CLYBL: variants seen among roughly 807,000 people sequenced by gnomAD.
The protein encoded by CLYBL is citramalyl-CoA lyase.
Under a neutral mutation model 38.9 loss-of-function variants are expected in CLYBL, and 31 were observed. That is an observed-to-expected ratio of 0.80 (90% confidence interval 0.60 to 1.08). The LOEUF (loss-of-function observed/expected upper bound fraction) is 1.08, where lower values mean the gene tolerates loss of function less well. Among genes scored for constraint, CLYBL ranks in the 50% least tolerant of loss-of-function variants. The pLI, the probability that CLYBL is intolerant of heterozygous loss-of-function variation, is 0.00. For synonymous variants in CLYBL, 171 were observed against 158.6 expected, an observed-to-expected ratio of 1.08 and a Z score of -0.59; for missense variants, 434 against 411.6, an observed-to-expected ratio of 1.05 and a Z score of -0.47.
At chr13:99,743,903 C>G (rs1047985896) in intron 1 of CLYBL, among the ~76,000 whole-genome samples, 1 of 150,522 alleles carries the variant, frequency 6.6e-6, no homozygotes, top group Admixed American at 6.6e-5. Flanking sequence ...TGCGGGGACT[C>G]GGGATAACCT....
intron 1 of CLYBL, among the ~76,000 whole-genome samples, chr13:99,607,302 T>C (rs2046542499): frequency 8.2e-6 from 1 of 122,132 alleles, no homozygotes; most frequent in Non-Finnish European, 1.7e-5. Context: ...GCATAACTTC[T>C]CAAAAAAAAA....
At chr13:99,652,681 G>A (rs186250568) in intron 1 of CLYBL, among the ~76,000 whole-genome samples, 100 of 152,344 alleles carry the variant, frequency 6.6e-4, no homozygotes, top group Non-Finnish European at 5.6e-4. Flanking sequence ...AAAGGGTCCC[G>A]AATGTTCCAG....
chr13:99,700,760 A>G (rs2048053274), intron 1 of CLYBL, among the ~76,000 whole-genome samples: 1 of 152,230 alleles, frequency 6.6e-6, no homozygotes, highest in Non-Finnish European at 1.5e-5. Flanking sequence ...GCAGGGAGTG[A>G]TAAGTAAACA....
intron 1 of CLYBL, among the ~76,000 whole-genome samples, chr13:99,627,330 A>C (rs573454946): frequency 6.6e-6 from 1 of 152,328 alleles, no homozygotes; most frequent in African/African-American, 2.4e-5. Context: ...TAAAATCAAA[A>C]GCATGCAGAA....
At position 99,735,476 on chromosome 13, in the gene CLYBL, G is replaced by A. The variant is rs1363803536; in HGVS notation, c.63-37348G>A. Among the ~76,000 whole-genome samples, 4 of 151,950 alleles carry A rather than the reference G, an allele frequency of 2.6e-5. 1 individual carries two copies. The East Asian group carries it at 5.8e-4, about 22-fold the overall frequency. On this transcript the variant is annotated intron_variant, in intron 1 of 8. Coordinates refer to ENST00000339105, the MANE Select transcript of CLYBL (RefSeq NM_206808.5). ...CTCCCAAAGTGCTGGGATTATAGGT[G>A]TGAGCCACCACACCCAGCATTTTTT... is the stretch of plus-strand genomic sequence containing the variant.
At chr13:99,634,528 A>G (rs1349353914) in intron 1 of CLYBL, among the ~76,000 whole-genome samples, 1 of 152,240 alleles carries the variant, frequency 6.6e-6, no homozygotes, top group Non-Finnish European at 1.5e-5. Flanking sequence ...ACACGCAAGA[A>G]AACTTTAACA....
chr13:99,809,615 T>G (rs952057277), intron 2 of CLYBL, among the ~76,000 whole-genome samples: 1 of 152,276 alleles, frequency 6.6e-6, no homozygotes, highest in Non-Finnish European at 1.5e-5. Flanking sequence ...AAGAAAGGGA[T>G]GGCTGCAGGC....
chr13:99,662,748 A>G (rs2047427807), intron 1 of CLYBL, among the ~76,000 whole-genome samples: 1 of 152,204 alleles, frequency 6.6e-6, no homozygotes, highest in Admixed American at 6.5e-5. Flanking sequence ...ATTCTCACTG[A>G]GCATTACACC....
At chr13:99,626,573 G>C (rs1278948609) in intron 1 of CLYBL, among the ~76,000 whole-genome samples, 1 of 152,174 alleles carries the variant, frequency 6.6e-6, no homozygotes, top group Non-Finnish European at 1.5e-5. Context: ...AATTGGAATA[G>C]ACAAAACGTG....
At chr13:99,853,631 T>C (rs1442290425) in intron 2 of CLYBL, among the ~76,000 whole-genome samples, 3 of 152,204 alleles carry the variant, frequency 2.0e-5, no homozygotes, top group Non-Finnish European at 4.4e-5. Flanking sequence ...TGTAATAATC[T>C]GAGAATTCAT....
chr13:99,674,722 G>A (rs576811409), intron 1 of CLYBL, among the ~76,000 whole-genome samples: 2 of 152,282 alleles, frequency 1.3e-5, no homozygotes, highest in South Asian at 2.1e-4. Context: ...GGGGGAACCA[G>A]CAAAGGAGAT....
At chr13:99,683,956 C>T (rs1384190692) in intron 1 of CLYBL, among the ~76,000 whole-genome samples, 3 of 149,754 alleles carry the variant, frequency 2.0e-5, no homozygotes, top group East Asian at 1.9e-4. Context: ...GCAAGCTCCA[C>T]CTCCCAGGTT....
intron 2 of CLYBL, among the ~76,000 whole-genome samples, chr13:99,795,936 A>G (rs1846392560): frequency 6.6e-6 from 1 of 152,182 alleles, no homozygotes; most frequent in African/African-American, 2.4e-5. Flanking sequence ...GCAGGTCTGC[A>G]GGGCATGGGG....
chr13:99,699,214 C>T lies in CLYBL; in HGVS notation c.63-73610C>T, dbSNP rs185181408. Among the ~76,000 whole-genome samples, 380 of 151,996 alleles carry T rather than the reference C, an allele frequency of 2.5e-3. 3 individuals carry two copies. The highest frequency in any genetic ancestry group is 8.4e-3 in the African/African-American group (347 of 41,442). ...CAGCCTGACCAACATGGAGAAACCC[C>T]GTCTCTATTAAAAATACAAAATTAG... is the stretch of plus-strand genomic sequence containing the variant. On this transcript the variant is annotated intron_variant, in intron 1 of 8. Transcript: ENST00000339105.
intron 2 of CLYBL, among the ~76,000 whole-genome samples, chr13:99,852,316 G>C (rs2051351928): frequency 6.6e-6 from 1 of 152,122 alleles, no homozygotes; most frequent in Admixed American, 6.5e-5. Flanking sequence ...ACAGCTTACT[G>C]TAGCCTCAAA....
At chr13:99,781,675 A>C (rs1233066597) in intron 2 of CLYBL, among the ~76,000 whole-genome samples, 2 of 151,574 alleles carry the variant, frequency 1.3e-5, no homozygotes. Flanking sequence ...TGGGGGTTTC[A>C]TCATGTTGGC....
intron 7 of CLYBL, among the ~76,000 whole-genome samples, 176 bp downstream of exon 7, chr13:99,871,238 C>T (rs183355706): frequency 9.2e-5 from 14 of 152,252 alleles, no homozygotes; most frequent in East Asian, 3.9e-4. Flanking sequence ...TTTGCCCTGC[C>T]CATGTTCCTA....
intron 1 of CLYBL, among the ~76,000 whole-genome samples, chr13:99,746,353 CTA>C (rs1437964247): frequency 1.1e-5 from 1 of 91,724 alleles, no homozygotes; most frequent in African/African-American, 3.8e-5. Flanking sequence ...GCTTTAAATA[CTA>C]TTTTTTTTTT....
intron 1 of CLYBL, among the ~76,000 whole-genome samples, chr13:99,632,370 CA>C (rs1217535992): frequency 6.6e-6 from 1 of 152,348 alleles, no homozygotes; most frequent in Non-Finnish European, 1.5e-5. Context: ...TCTGCTAGAA[CA>C]AAAATTAGTC....
Sources: allele counts gnomAD v4.1 joint callset (sites outside exome capture counted in the v4.1 genomes callset), GRCh38; gene constraint gnomAD v4.1.1; transcripts MANE v1.5; gene names NCBI Gene and HGNC (gene_info 2026-07-23, HGNC 2026-07-21).